GALNT11: variants seen among roughly 807,000 people sequenced by gnomAD.
GALNT11 encodes UDP-GalNAc:polypeptide N-acetylgalactosaminyltransferase 11.
Under a neutral mutation model 72.7 loss-of-function variants are expected in GALNT11, and 47 were observed. The ratio of observed to expected loss-of-function variants is 0.65; its 90% CI spans 0.51 to 0.82. The LOEUF (loss-of-function observed/expected upper bound fraction) is 0.82. GALNT11 is among the 40% of genes least tolerant of loss of function. The pLI, the probability that GALNT11 is intolerant of heterozygous loss-of-function variation, is 0.00. For synonymous variants in GALNT11, 270 were observed against 286.6 expected, an observed-to-expected ratio of 0.94 and a Z score of 0.58; for missense variants, 677 against 778.4, an observed-to-expected ratio of 0.87 and a Z score of 1.55.
chr7:152,100,260 A>G (rs957678339), intron 2 of GALNT11, among the ~76,000 whole-genome samples: 5 of 152,014 alleles, frequency 3.3e-5, no homozygotes, highest in Admixed American at 6.6e-5. Flanking sequence ...TGAATATAAT[A>G]AACTATTCTT....
Position 152,108,214 on chromosome 7 carries a change from G to C in GALNT11, c.889G>C (p.Gly297Arg). The change falls in exon 6 of 12, where the codon GGA (glycine) becomes CGA (arginine). Residue 297 changes from glycine (G) to arginine (R), a missense_variant. Gly to Arg is a moderately radical substitution (Grantham distance 125). Transcript: ENST00000430044. The stretch of plus-strand genomic sequence containing the variant: ...TGTCGTCCGCGGAGGGTTCAACTGG[G>C]GACTGCACTTCAAATGGGATCTTGT... ...SPVVRGGFNWGLHFKWDLVPL... is the reference protein window; with the variant it reads ...SPVVRGGFNWRLHFKWDLVPL... 1 of 1,614,148 alleles carries C rather than the reference G, an allele frequency of 6.2e-7. No homozygotes were observed. Among genetic ancestry groups the C allele is most frequent in the Non-Finnish European group, 8.5e-7 (1 of 1,180,032 alleles).
chr7:152,075,629 A>C (rs1448218767), intron 1 of GALNT11, among the ~76,000 whole-genome samples: 1 of 152,048 alleles, frequency 6.6e-6, no homozygotes, highest in Admixed American at 6.5e-5. Context: ...CAACATGGAG[A>C]AACTCCGTCT....
chr7:152,107,093 GGATA>G (rs1407046252), intron 5 of GALNT11, among the ~76,000 whole-genome samples: 1 of 152,042 alleles, frequency 6.6e-6, no homozygotes, highest in Non-Finnish European at 1.5e-5. Flanking sequence ...AGTTGAAGTT[GGATA>G]GATAACATTT....
chr7:152,118,452 C>A, intron 9 of GALNT11: 1 of 463,556 alleles, frequency 2.2e-6, no homozygotes. Flanking sequence ...CTGACACTGT[C>A]TGCATGTTAA....
chr7:152,105,171 A>C lies in GALNT11; in HGVS notation c.587-74A>C, dbSNP rs1230841655. The C allele has an allele frequency of 2.7e-6, 4 of 1,490,928 alleles. No individual in the cohort carries two copies. In the Admixed American group the frequency reaches 8.8e-5, roughly 33 times the overall value. 92.4% of individuals were successfully genotyped at this position (1,490,928 alleles called of 1,614,324 possible). On this transcript the variant is annotated intron_variant, in intron 4 of 11. Transcript: ENST00000430044. ...GTAAATTTTAGCAAGTACTAGATACAACTTTAGAATAGCTGTAAAGTGTCT... is the reference window on the plus strand; with the variant it reads ...GTAAATTTTAGCAAGTACTAGATACCACTTTAGAATAGCTGTAAAGTGTCT...
At chr7:152,038,399 G>T (rs2082689034) in intron 1 of GALNT11, among the ~76,000 whole-genome samples, 1 of 152,194 alleles carries the variant, frequency 6.6e-6, no homozygotes, top group African/African-American at 2.4e-5. Flanking sequence ...TGTCCTTAAG[G>T]CCCAGATCGC....
At chr7:152,041,834 G>T (rs34193735) in intron 1 of GALNT11, among the ~76,000 whole-genome samples, 7,897 of 152,252 alleles carry the variant, frequency 0.052, 354 homozygotes, top group East Asian at 0.2. Context: ...TGATCCCTAC[G>T]TATGGCTACT....
intron 1 of GALNT11, among the ~76,000 whole-genome samples, chr7:152,082,342 C>T (rs1032664502): frequency 3.3e-5 from 5 of 152,208 alleles, no homozygotes; most frequent in African/African-American, 1.2e-4. Context: ...CATTTATAAC[C>T]TGACGCATCC....
chr7:152,106,295 G>A (rs1428542531), intron 5 of GALNT11, among the ~76,000 whole-genome samples: 2 of 152,172 alleles, frequency 1.3e-5, no homozygotes, highest in African/African-American at 2.4e-5. Flanking sequence ...CGCTCTCCTA[G>A]ATAACCTGCC....
At chr7:152,085,936 G>A (rs955942813) in intron 1 of GALNT11, among the ~76,000 whole-genome samples, 1 of 150,432 alleles carries the variant, frequency 6.6e-6, no homozygotes, top group African/African-American at 2.5e-5. Flanking sequence ...TTGCCAGGCT[G>A]GAGTGCAGTA....
At chr7:152,028,206 C>T (rs1223643052) in intron 1 of GALNT11, among the ~76,000 whole-genome samples, 1 of 152,180 alleles carries the variant, frequency 6.6e-6, no homozygotes. Context: ...TGCTTTTATT[C>T]CCTTATTTGG....
At chr7:152,064,604 T>A (rs1293545173) in intron 1 of GALNT11, among the ~76,000 whole-genome samples, 1 of 152,212 alleles carries the variant, frequency 6.6e-6, no homozygotes, top group Non-Finnish European at 1.5e-5. Context: ...GTTGTTCCTC[T>A]CCATCTTTAG....
Position 152,101,578 on chromosome 7 carries a change from C to G in GALNT11, c.419+657C>G, listed in dbSNP as rs114512709. On this transcript the variant is annotated intron_variant, in intron 3 of 11. Transcript: ENST00000430044. ...GAGGCAGGGCTCAGATGCTGGAGGGCTGTGTGTGCCCTGGGAAAGAATTCA... is the reference window on the plus strand; with the variant it reads ...GAGGCAGGGCTCAGATGCTGGAGGGGTGTGTGTGCCCTGGGAAAGAATTCA... 5.5e-3 allele frequency among the ~76,000 whole-genome samples: 798 copies of G among 144,292 alleles called. 8 individuals are homozygous for G. The highest frequency in any genetic ancestry group is 0.02 in the African/African-American group (770 of 38,478). 94.7% of individuals were successfully genotyped at this position (144,292 alleles called of 152,430 possible).
In GALNT11 at chr7:152,094,885, T is replaced by C. The variant is rs909917913; in HGVS notation, c.295+363T>C. 2.0e-5 allele frequency among the ~76,000 whole-genome samples: 3 copies of C among 152,196 alleles called. No homozygotes were observed. The highest frequency in any genetic ancestry group is 7.2e-5 in the African/African-American group (3 of 41,458). On this transcript the variant is annotated intron_variant, in intron 2 of 11. Coordinates refer to ENST00000430044, the MANE Select transcript of GALNT11 (RefSeq NM_022087.4). This position sits in a 1 kb window ranked among gnomAD's most constrained non-coding sequence, Gnocchi z 4.3. ...CCGAATTCTTGGGCTCAAGCTGCCCTCCCACCTCAACCTTGAGAGTAGCTG... is the reference window on the plus strand; with the variant it reads ...CCGAATTCTTGGGCTCAAGCTGCCCCCCCACCTCAACCTTGAGAGTAGCTG...
chr7:152,052,283 T>C (rs2083442982), intron 1 of GALNT11, among the ~76,000 whole-genome samples: 1 of 152,156 alleles, frequency 6.6e-6, no homozygotes, highest in Non-Finnish European at 1.5e-5. Context: ...TTTCCACCTT[T>C]TGGCTATTGG....
intron 1 of GALNT11, among the ~76,000 whole-genome samples, chr7:152,071,502 C>G (rs1308410622): frequency 6.6e-6 from 1 of 152,000 alleles, no homozygotes; most frequent in African/African-American, 2.4e-5. Context: ...TTCAAGGTGC[C>G]CAGATTTCAT....
At chr7:152,110,723 A>T in intron 7 of GALNT11, 78 bp downstream of exon 7, 1 of 1,101,196 alleles carries the variant, frequency 9.1e-7, no homozygotes, top group Non-Finnish European at 1.3e-6. Flanking sequence ...TATTTTCTTT[A>T]TATTCTCCTT....
chr7:152,055,562 T>TATATAC (rs1421230562), intron 1 of GALNT11, among the ~76,000 whole-genome samples: 2 of 145,928 alleles, frequency 1.4e-5, no homozygotes, highest in Non-Finnish European at 3.0e-5. Flanking sequence ...TGTGTGTGTG[T>TATATAC]GTGTGTATAT....
At chr7:152,080,885 G>A (rs186720686) in intron 1 of GALNT11, among the ~76,000 whole-genome samples, 11 of 152,080 alleles carry the variant, frequency 7.2e-5, no homozygotes, top group Non-Finnish European at 1.3e-4. Context: ...CAGGAGAATC[G>A]CTTGAACCCA....
Sources: gnomAD v4.1 joint callset for allele counts (sites outside exome capture counted in the v4.1 genomes callset) on GRCh38, gnomAD v4.1.1 for gene constraint, Gnocchi (gnomAD v3.1) non-coding constraint, MANE v1.5 for transcripts, NCBI Gene and HGNC (gene_info 2026-07-23, HGNC 2026-07-21) for gene names.